The following NRAP variants were observed in gnomAD, a reference collection of about 807,000 sequenced individuals.
NRAP encodes nebulin-related-anchoring protein.
A neutral mutation model predicts 225.9 loss-of-function variants in NRAP; 189 were observed. That is an observed-to-expected ratio of 0.84 (90% CI 0.74 to 0.94). The LOEUF (loss-of-function observed/expected upper bound fraction) is 0.94. NRAP is among the 40% of genes least tolerant of loss of function. The pLI, the probability that NRAP is intolerant of heterozygous loss-of-function variation, is 0.00. For missense variants in NRAP, 2,176 were observed against 2,168.7 expected, an observed-to-expected ratio of 1.00 and a Z score of -0.07; for synonymous variants, 769 against 790.7, an observed-to-expected ratio of 0.97 and a Z score of 0.46.
intron 37 of NRAP, 68 bp downstream of exon 37, chr10:113,597,018 T>TCGG: frequency 9.5e-7 from 1 of 1,056,812 alleles, no homozygotes; most frequent in East Asian, 2.4e-5. Context: ...GCCTGTGTTC[T>TCGG]TAGACCCGGA....
intron 25 of NRAP, among the ~76,000 whole-genome samples, chr10:113,619,933 C>A (rs139019145): frequency 6.6e-6 from 1 of 152,186 alleles, no homozygotes; most frequent in East Asian, 1.9e-4. Context: ...GAGGGCACTA[C>A]TGACATCCTT....
At chr10:113,619,901 C>G (rs550492488) in intron 25 of NRAP, among the ~76,000 whole-genome samples, 2 of 152,126 alleles carry the variant, frequency 1.3e-5, no homozygotes, top group Non-Finnish European at 2.9e-5. Context: ...GGCAATGTCT[C>G]GATCCATTTT....
At chr10:113,638,824 T>C (rs914150801) in intron 14 of NRAP, among the ~76,000 whole-genome samples, 2 of 152,178 alleles carry the variant, frequency 1.3e-5, no homozygotes, top group African/African-American at 4.8e-5. Context: ...GGGCTGCCAG[T>C]GAACCCACCT....
rs925643669 is a variant in NRAP, at chr10:113,654,088, C to A, written c.398G>T (p.Trp133Leu). The A allele has an allele frequency of 1.2e-6, 2 of 1,613,670 alleles. No individual in the cohort carries two copies. The highest frequency in any genetic ancestry group is 1.7e-5 in the Admixed American group (1 of 60,020). ...YWTGYGEGNA[W>L]CPGALPDPEI... is the part of the protein sequence containing the mutation. ...GGGGTCTGGCAGAGCTCCTGGGCAC[C>A]AAGCATTCCCTTCCCCATATCCAGT... The change falls in exon 5 of 42, where the codon TGG becomes TTG. Residue 133 changes from tryptophan (W) to leucine (L), a missense_variant. Trp to Leu is a moderately conservative substitution (Grantham distance 61). Coordinates refer to ENST00000359988, the MANE Select transcript of NRAP (RefSeq NM_198060.4).
intron 29 of NRAP, among the ~76,000 whole-genome samples, chr10:113,613,830 A>C (rs963461163): frequency 6.6e-6 from 1 of 152,086 alleles, no homozygotes; most frequent in Non-Finnish European, 1.5e-5. Context: ...CTTTTATATA[A>C]AATTTTCCAT....
chr10:113,628,157 GT>G (rs1313806814), intron 20 of NRAP, among the ~76,000 whole-genome samples: 1 of 152,160 alleles, frequency 6.6e-6, no homozygotes, highest in Non-Finnish European at 1.5e-5. Context: ...ACCTGGGAGA[GT>G]ATCTGATCCA....
intron 4 of NRAP, among the ~76,000 whole-genome samples, chr10:113,654,663 T>A (rs1850194891): frequency 6.6e-6 from 1 of 152,148 alleles, no homozygotes; most frequent in South Asian, 2.1e-4. Context: ...TAAGAATCTT[T>A]AAAAAGCAGT....
At chr10:113,639,110 A>C (rs1321507237) in intron 14 of NRAP, among the ~76,000 whole-genome samples, 1 of 119,612 alleles carries the variant, frequency 8.4e-6, no homozygotes, top group Non-Finnish European at 1.9e-5. Context: ...AAAAAAAAAA[A>C]AAAAAATGTA....
intron 35 of NRAP, among the ~76,000 whole-genome samples, chr10:113,603,261 A>G (rs925050290): frequency 3.9e-5 from 6 of 152,086 alleles, no homozygotes; most frequent in Admixed American, 6.5e-5. Context: ...TGGGGGAGCT[A>G]TGGTTGGAAT....
At position 113,663,905 on chromosome 10, in the gene NRAP, C is replaced by A; in HGVS notation, c.-23G>T. The stretch of plus-strand genomic sequence containing the variant: ...CATCTCGAAGCCGGAAGAGAGAGGA[C>A]AAAGATAGGCAACAGGCAAGAAATG... On this transcript the variant is annotated 5_prime_UTR_variant, in exon 1 of 42. Coordinates refer to ENST00000359988, the MANE Select transcript of NRAP (RefSeq NM_198060.4). 6.3e-7 allele frequency: 1 copy of A among 1,580,366 alleles called. No individual in the cohort carries two copies. Among genetic ancestry groups the A allele is most frequent in the Non-Finnish European group, 8.7e-7 (1 of 1,149,374 alleles).
intron 14 of NRAP, among the ~76,000 whole-genome samples, chr10:113,637,946 T>C (rs1368850504): frequency 6.6e-6 from 1 of 151,808 alleles, no homozygotes; most frequent in Non-Finnish European, 1.5e-5. Context: ...AATCATTTTG[T>C]GCTTTTTAGT....
intron 23 of NRAP, 48 bp from the exon 24 acceptor site, chr10:113,622,228 A>G: frequency 7.6e-7 from 1 of 1,318,506 alleles, no homozygotes; most frequent in Non-Finnish European, 1.1e-6. Context: ...TCCTAAAGGA[A>G]TTGTTAGGCT....
chr10:113,623,932 G>A (rs1423049151), intron 22 of NRAP, among the ~76,000 whole-genome samples: 3 of 152,100 alleles, frequency 2.0e-5, no homozygotes, highest in Admixed American at 2.0e-4. Context: ...GGATAACATC[G>A]CACAACACAG....
chr10:113,599,482 C>T (rs1846471967), intron 35 of NRAP, among the ~76,000 whole-genome samples: 1 of 152,212 alleles, frequency 6.6e-6, no homozygotes, highest in African/African-American at 2.4e-5. Flanking sequence ...CTCTTCACAG[C>T]CGGGCCTTGC....
At chr10:113,610,435 C>T (rs1847258393) in intron 31 of NRAP, 24 bp downstream of exon 31, 1 of 1,078,810 alleles carries the variant, frequency 9.3e-7, no homozygotes, top group Admixed American at 1.7e-5. Context: ...GTCCTGGACA[C>T]TCAACACCAG....
intron 22 of NRAP, 87 bp downstream of exon 22, chr10:113,624,739 C>T: frequency 1.1e-6 from 1 of 885,926 alleles, no homozygotes; most frequent in Non-Finnish European, 1.9e-6. Flanking sequence ...GATACAGACA[C>T]TATGCCATGG....
intron 33 of NRAP, 42 bp from the exon 34 acceptor site, chr10:113,605,911 T>C: frequency 7.0e-7 from 1 of 1,428,560 alleles, no homozygotes; most frequent in Non-Finnish European, 9.9e-7. Flanking sequence ...AAAAATTACA[T>C]GAATCAACGA....
chr10:113,588,855 A>G lies in NRAP; in HGVS notation c.*120T>C, dbSNP rs1278137705. The G allele has an allele frequency of 1.4e-6, 1 of 725,584 alleles. No individual in the cohort carries two copies. The highest frequency in any genetic ancestry group is 2.4e-6 in the Non-Finnish European group (1 of 409,624). The allele number at this position is 725,584 out of a possible 1,614,324, so 44.9% of individuals were successfully genotyped here. A position where few individuals can be genotyped will look rare whatever the true frequency, so the allele number is the denominator to read the frequency against. Reference sequence around the variant, plus strand: ...TGCTTTCAGAGTTATTATTTTAATAAAGGAAGATCTGGGATGGGCTGGTGG... The same window carrying G: ...TGCTTTCAGAGTTATTATTTTAATAGAGGAAGATCTGGGATGGGCTGGTGG... On this transcript the variant is annotated 3_prime_UTR_variant, in exon 42 of 42. Transcript: ENST00000359988.
At position 113,633,172 on chromosome 10, in the gene NRAP, T is replaced by C. The variant is rs543349255; in HGVS notation, c.1544A>G (p.Asp515Gly). 1 of 1,595,406 alleles carries C rather than the reference T, an allele frequency of 6.3e-7. No homozygotes were observed. Among genetic ancestry groups the C allele is most frequent in the Non-Finnish European group, 8.6e-7 (1 of 1,163,084 alleles). Residue 515 changes from aspartate to glycine, a missense_variant, in exon 16 of 42, where the codon GAC (aspartate) becomes GGC (glycine). Around this residue, in one of 3 missense-constraint regions of NRAP, gnomAD observed 1,708 missense variants for 1,695.5 expected, o/e 1.01. Transcript: ENST00000359988. ...QQLSHVNYRA[D>G]YEKNKLNYTL... ...GTAATTCAACTTATTTTTCTCATAG[T>C]CAGCACGGTAATTCACCTGTTGGAT...
Sources: gnomAD v4.1 joint callset for allele counts (sites outside exome capture counted in the v4.1 genomes callset) on GRCh38, gnomAD v4.1.1 for gene constraint, gnomAD v4.1.1 regional missense constraint, MANE v1.5 for transcripts, NCBI Gene and HGNC (gene_info 2026-07-23, HGNC 2026-07-21) for gene names.